Variants in TNR observed in about 807,000 individuals in gnomAD.
TNR encodes tenascin-R.
TNR carries 45 observed loss-of-function variants against 150.4 expected under a neutral mutation model. The observed-to-expected ratio is 0.30, with a 90% CI of 0.24 to 0.38. The LOEUF is 0.38. Among genes scored for constraint, TNR ranks in the 10% least tolerant of loss-of-function variants. TNR has a pLI of 1.00. For synonymous variants in TNR, 687 were observed against 678.4 expected (o/e 1.01, Z -0.20); for missense variants, 1,544 against 1,759.1 (o/e 0.88, Z 2.19).
At chr1:175,376,327 A>T (rs369052295) in intron 9 of TNR, among the ~76,000 whole-genome samples, 2 of 151,708 alleles carry the variant, frequency 1.3e-5, no homozygotes, top group East Asian at 3.9e-4. Flanking sequence ...ACTACCTTAA[A>T]CTCGTTAAAT....
intron 2 of TNR, among the ~76,000 whole-genome samples, chr1:175,408,284 T>G (rs185360808): frequency 6.6e-6 from 1 of 152,332 alleles, no homozygotes; most frequent in East Asian, 1.9e-4. Context: ...CCTGGAAGGA[T>G]GGAAAGATGA....
chr1:175,456,362 C>A (rs922041290), intron 2 of TNR, among the ~76,000 whole-genome samples: 2 of 152,178 alleles, frequency 1.3e-5, no homozygotes, highest in African/African-American at 4.8e-5. Context: ...TATCCATCAC[C>A]TTCTAATATA....
intron 2 of TNR, among the ~76,000 whole-genome samples, chr1:175,448,985 C>T (rs972443764): frequency 3.3e-5 from 5 of 152,192 alleles, no homozygotes; most frequent in Non-Finnish European, 5.9e-5. Context: ...TCCAATCTAA[C>T]ACGATTATTT....
At chr1:175,534,714 G>A (rs1353222494) in intron 1 of TNR, among the ~76,000 whole-genome samples, 2 of 152,176 alleles carry the variant, frequency 1.3e-5, no homozygotes, top group Non-Finnish European at 2.9e-5. Context: ...TTGGCTTCTG[G>A]GCTGCTAAGG....
chr1:175,403,163 T>G lies in TNR; in HGVS notation c.953A>C (p.Tyr318Ser). The change falls in exon 4 of 23, where the codon TAC becomes TCC. Residue 318 changes from tyrosine (Y) to serine (S), a missense_variant. Tyr to Ser is a moderately radical substitution (Grantham distance 144, BLOSUM62 -2). This residue lies in a region of TNR where 1,254 missense variants were observed against 1,329.4 expected (regional missense o/e 0.94). Coordinates refer to ENST00000367674, the MANE Select transcript of TNR (RefSeq NM_003285.3). Reference sequence around the variant, plus strand: ...ACCTGCTGAGCAGTCAGGGCCCTGGTAGCCCTCTTCACAGACGCAGAGCCC... The same window carrying G: ...ACCTGCTGAGCAGTCAGGGCCCTGGGAGCCCTCTTCACAGACGCAGAGCCC... ...EEGLCVCEEG[Y>S]QGPDCSAVAP... The G allele has an allele frequency of 6.2e-7, 1 of 1,613,582 alleles. No individual in the cohort carries two copies. The highest frequency in any genetic ancestry group is 8.5e-7 in the Non-Finnish European group (1 of 1,179,604).
At chr1:175,554,568 T>C (rs1291390756) in intron 1 of TNR, among the ~76,000 whole-genome samples, 2 of 152,188 alleles carry the variant, frequency 1.3e-5, no homozygotes, top group Non-Finnish European at 2.9e-5. Context: ...TAGTTACTTG[T>C]TGCCTTCTCA....
At chr1:175,719,843 A>G (rs1667252919) in intron 1 of TNR, among the ~76,000 whole-genome samples, 1 of 152,182 alleles carries the variant, frequency 6.6e-6, no homozygotes, top group Admixed American at 6.5e-5. Context: ...TCAGACCAGG[A>G]TCAGATTCCA....
intron 1 of TNR, among the ~76,000 whole-genome samples, chr1:175,681,954 C>G (rs1433064736): frequency 6.6e-6 from 1 of 152,150 alleles, no homozygotes; most frequent in Non-Finnish European, 1.5e-5. Context: ...AAGAAAGGAG[C>G]TGCGACTCAT....
intron 1 of TNR, among the ~76,000 whole-genome samples, chr1:175,719,121 T>G (rs1160310647): frequency 2.0e-5 from 3 of 152,180 alleles, no homozygotes; most frequent in Non-Finnish European, 4.4e-5. Flanking sequence ...CTCAAGTCCC[T>G]CCTTGTCTCT....
At chr1:175,694,529 C>T (rs1666455771) in intron 1 of TNR, among the ~76,000 whole-genome samples, 1 of 152,216 alleles carries the variant, frequency 6.6e-6, no homozygotes, top group East Asian at 1.9e-4. Flanking sequence ...AGTGCCACCC[C>T]TATGCTTAAA....
chr1:175,463,460 G>A (rs888260465), intron 2 of TNR, among the ~76,000 whole-genome samples: 1 of 152,204 alleles, frequency 6.6e-6, no homozygotes, highest in Non-Finnish European at 1.5e-5. Flanking sequence ...GGTTATTTCT[G>A]TCTTCTCACA....
intron 3 of TNR, among the ~76,000 whole-genome samples, chr1:175,404,077 C>T (rs1653842901): frequency 6.6e-6 from 1 of 152,074 alleles, no homozygotes; most frequent in South Asian, 2.1e-4. Flanking sequence ...CAGTGCAGGT[C>T]ACATCTCATT....
intron 1 of TNR, among the ~76,000 whole-genome samples, chr1:175,687,103 A>G (rs1181121253): frequency 1.3e-5 from 2 of 152,174 alleles, no homozygotes; most frequent in Non-Finnish European, 2.9e-5. Flanking sequence ...AGACATTCCC[A>G]AGGCACCATG....
In TNR at chr1:175,706,069, C is replaced by A. The variant is rs376791421; in HGVS notation, c.-165+37157G>T. 2.8e-4 allele frequency among the ~76,000 whole-genome samples: 42 copies of A among 152,216 alleles called. 1 individual carries two copies. The South Asian group carries it at 8.7e-3, about 32-fold the overall frequency. On this transcript the variant is annotated intron_variant, in intron 1 of 22. Coordinates refer to ENST00000367674, the MANE Select transcript of TNR (RefSeq NM_003285.3). ...TCAGCATTCAAAGTTACCCACTCTA[C>A]CCCCGCCAACCCCCCACCAAAATCA...
rs1407567466 is a variant in TNR, at chr1:175,315,645, T to G, written c.*7712A>C. 1 of 152,156 alleles carries G rather than the reference T, an allele frequency of 6.6e-6. No individual in the cohort carries two copies. Among genetic ancestry groups the G allele is most frequent in the African/African-American group, 2.4e-5 (1 of 41,440 alleles). The allele number at this position is 152,156 out of a possible 1,614,324, so 9.4% of individuals were successfully genotyped here. A position where few individuals can be genotyped will look rare whatever the true frequency, so the allele number is the denominator to read the frequency against. ...ACAATCTAGAGACCACCAGGGTGGG[T>G]TTCAGCTGCTCGGAGCCCCAGTTAA... On this transcript the variant is annotated 3_prime_UTR_variant, in exon 23 of 23. Transcript: ENST00000367674.
chr1:175,520,087 G>A (rs182220635), intron 2 of TNR, among the ~76,000 whole-genome samples: 10 of 152,310 alleles, frequency 6.6e-5, no homozygotes, highest in African/African-American at 2.4e-4. Context: ...AAGTAAATGA[G>A]CGAATAAACA....
At chr1:175,700,584 A>G (rs1042383917) in intron 1 of TNR, among the ~76,000 whole-genome samples, 1 of 152,164 alleles carries the variant, frequency 6.6e-6, no homozygotes. Flanking sequence ...TGCACCGTGT[A>G]TGCCCACTGC....
chr1:175,396,346 T>G (rs1034625274), intron 5 of TNR, among the ~76,000 whole-genome samples, 198 bp downstream of exon 5: 4 of 152,258 alleles, frequency 2.6e-5, no homozygotes, highest in Non-Finnish European at 4.4e-5. Flanking sequence ...TGCCTGAATT[T>G]GGAAACTCTC....
At chr1:175,675,127 T>C (rs1665820428) in intron 1 of TNR, among the ~76,000 whole-genome samples, 1 of 152,228 alleles carries the variant, frequency 6.6e-6, no homozygotes, top group African/African-American at 2.4e-5. Context: ...AGCAAAATGT[T>C]GGCAAGTTGC....
Sources: allele counts gnomAD v4.1 joint callset (sites outside exome capture counted in the v4.1 genomes callset), GRCh38; gene constraint gnomAD v4.1.1; regional missense constraint gnomAD v4.1.1; transcripts MANE v1.5; gene names NCBI Gene and HGNC (gene_info 2026-07-23, HGNC 2026-07-21).